AFTPH: variants seen among roughly 807,000 people sequenced by gnomAD.
AFTPH encodes aftiphilin.
Under a neutral mutation model 72.5 loss-of-function variants are expected in AFTPH, and 7 were observed. The observed-to-expected ratio is 0.10, with a 90% confidence interval of 0.05 to 0.18. AFTPH has a LOEUF of 0.18. AFTPH is among the 10% of genes least tolerant of loss of function. The probability of loss-of-function intolerance (pLI) is 1.00; values close to 1 mark genes in which losing one functional copy is unlikely to be tolerated. For missense variants in AFTPH, 979 were observed against 1,060.5 expected, an observed-to-expected ratio of 0.92 and a Z score of 1.07; for synonymous variants, 337 against 370.1, an observed-to-expected ratio of 0.91 and a Z score of 1.03.
Position 64,536,978 on chromosome 2 carries a change from AGAAG to A in AFTPH, c.-33+12367_-33+12370del, listed in dbSNP as rs1468285318. ...AAAAAAAAAAAAAAAAAAAAAAAGA[AGAAG>A]AAGAAGAATGCTTTTCAGAAATGCT... On this transcript the variant is annotated intron_variant, in intron 1 of 8. Coordinates refer to ENST00000238856, the Ensembl canonical transcript of AFTPH. Among the ~76,000 whole-genome samples the A allele has an allele frequency of 4.3e-3, 642 of 150,374 alleles. 2 individuals carry two copies. The highest frequency in any genetic ancestry group is 6.9e-3 in the Non-Finnish European group (466 of 67,586).
intron 6 of AFTPH, among the ~76,000 whole-genome samples, chr2:64,576,886 G>C (rs1672841402): frequency 6.7e-6 from 1 of 150,064 alleles, no homozygotes; most frequent in Non-Finnish European, 1.5e-5. Flanking sequence ...AGCCTCCTGA[G>C]TAGCTGGGAT....
At chr2:64,553,005 T>C in exon 2 of AFTPH, 1 of 1,614,164 alleles carries the variant, frequency 6.2e-7, no homozygotes, top group Non-Finnish European at 8.5e-7. Flanking sequence ...ATCAGAAGAA[T>C]GTCAATTGGC....
At chr2:64,524,690 C>T in intron 1 of AFTPH, 78 bp downstream of exon 1, 1 of 391,776 alleles carries the variant, frequency 2.6e-6, no homozygotes, top group Non-Finnish European at 4.5e-6. Context: ...AGCAGCCAGA[C>T]CCTCACCCGG....
chr2:64,576,073 CTACACACACACACACACA>C (rs1672763827), intron 6 of AFTPH, among the ~76,000 whole-genome samples: 5 of 94,924 alleles, frequency 5.3e-5, no homozygotes, highest in African/African-American at 1.8e-4. Flanking sequence ...CTTTGGCATG[CTACACACACACACACACA>C]CACACACACA....
chr2:64,559,224 T>C (rs1480413037), intron 2 of AFTPH, among the ~76,000 whole-genome samples: 1 of 146,282 alleles, frequency 6.8e-6, no homozygotes, highest in African/African-American at 2.8e-5. Context: ...ATTTATAAAA[T>C]AGAGGTGTAT....
chr2:64,531,388 T>G (rs1478383581), intron 1 of AFTPH, among the ~76,000 whole-genome samples: 2 of 152,372 alleles, frequency 1.3e-5, no homozygotes, highest in East Asian at 3.9e-4. Flanking sequence ...ATCAGTAATA[T>G]GCAGTTTTTA....
chr2:64,551,458 T>C, exon 2 of AFTPH: 1 of 1,592,614 alleles, frequency 6.3e-7, no homozygotes, highest in Non-Finnish European at 8.5e-7. Context: ...AATTAATTAT[T>C]TGAAAGCAAC....
In AFTPH at chr2:64,551,540, T is replaced by A. The variant is rs767613047; in HGVS notation, c.66T>A (p.Asp22Glu). The change falls in exon 2 of 9, where the codon GAT (aspartate) becomes GAA (glutamate). Residue 22 changes from aspartate to glutamate, a missense_variant. Physicochemically the swap from Asp to Glu is conservative, Grantham distance 45. Coordinates refer to ENST00000238856, the Ensembl canonical transcript of AFTPH. The stretch of plus-strand genomic sequence containing the variant: ...CACCATTAGACAATGGAGCAGAGGA[T>A]GATGATGATGATGAATTTGGGGAAT... 1.1e-5 allele frequency: 18 copies of A among 1,610,008 alleles called. No homozygotes were observed. Among genetic ancestry groups the A allele is most frequent in the Middle Eastern group, 3.3e-4 (2 of 6,072 alleles).
At chr2:64,551,408 G>C in intron 1 of AFTPH, 35 bp from the exon 2 acceptor site, 1 of 1,480,074 alleles carries the variant, frequency 6.8e-7, no homozygotes. Flanking sequence ...TATGTAATCT[G>C]TCCCCTCCAA....
chr2:64,576,798 G>A (rs1170401816), intron 6 of AFTPH, among the ~76,000 whole-genome samples: 2 of 151,934 alleles, frequency 1.3e-5, no homozygotes, highest in African/African-American at 4.8e-5. Flanking sequence ...TTGCTCTGTT[G>A]CCCAGGCTAG....
At chr2:64,539,026 T>C (rs958488144) in intron 1 of AFTPH, among the ~76,000 whole-genome samples, 2 of 152,174 alleles carry the variant, frequency 1.3e-5, no homozygotes, top group African/African-American at 2.4e-5. Flanking sequence ...TGTTACTTTG[T>C]TTTTCTGGGG....
At chr2:64,540,060 C>A (rs988684998) in intron 1 of AFTPH, among the ~76,000 whole-genome samples, 1 of 151,996 alleles carries the variant, frequency 6.6e-6, no homozygotes, top group African/African-American at 2.4e-5. Flanking sequence ...AACAGAAGGT[C>A]CAGGGATTAT....
At chr2:64,560,529 G>A (rs973951448) in intron 2 of AFTPH, among the ~76,000 whole-genome samples, 1 of 152,212 alleles carries the variant, frequency 6.6e-6, no homozygotes, top group Non-Finnish European at 1.5e-5. Context: ...GGATGCATAC[G>A]ACTTTCCTGA....
At chr2:64,550,024 T>C (rs1052181786) in intron 1 of AFTPH, among the ~76,000 whole-genome samples, 1 of 152,208 alleles carries the variant, frequency 6.6e-6, no homozygotes, top group East Asian at 1.9e-4. Context: ...CAGTTTCTTA[T>C]AAAGTTGAGC....
chr2:64,531,071 A>AAC (rs1216204348), intron 1 of AFTPH, among the ~76,000 whole-genome samples: 1 of 151,332 alleles, frequency 6.6e-6, no homozygotes, highest in Non-Finnish European at 1.5e-5. Flanking sequence ...CAAAAAAAAA[A>AAC]AAAAAAAAAA....
chr2:64,538,219 C>T (rs1669994022), intron 1 of AFTPH, among the ~76,000 whole-genome samples: 1 of 152,066 alleles, frequency 6.6e-6, no homozygotes, highest in South Asian at 2.1e-4. Flanking sequence ...GGCCAATTCT[C>T]AAGTTGTTTC....
At chr2:64,549,481 C>G (rs148486257) in intron 1 of AFTPH, among the ~76,000 whole-genome samples, 2 of 148,376 alleles carry the variant, frequency 1.3e-5, no homozygotes, top group African/African-American at 4.9e-5. Context: ...CCACCACGCC[C>G]GGCTAATTTT....
chr2:64,551,169 C>T (rs1242328703), intron 1 of AFTPH, among the ~76,000 whole-genome samples: 1 of 152,000 alleles, frequency 6.6e-6, no homozygotes, highest in Non-Finnish European at 1.5e-5. Context: ...GGAATCCCCA[C>T]ATTTCATTAA....
exon 2 of AFTPH, chr2:64,553,345 C>G (rs1416053354): frequency 1.2e-6 from 2 of 1,611,096 alleles, no homozygotes; most frequent in Middle Eastern, 1.7e-4. Context: ...CACAGTGTAC[C>G]TTCAGCAACT....
Sources: allele counts gnomAD v4.1 joint callset (sites outside exome capture counted in the v4.1 genomes callset), GRCh38; gene constraint gnomAD v4.1.1; transcripts MANE v1.5; gene names NCBI Gene and HGNC (gene_info 2026-07-23, HGNC 2026-07-21).